TAOK3: variants seen among roughly 807,000 people sequenced by gnomAD.
The protein encoded by TAOK3 is TAO kinase 3.
TAOK3 carries 40 observed loss-of-function variants against 120.4 expected under a neutral mutation model. The ratio of observed to expected loss-of-function variants is 0.33; its 90% CI spans 0.26 to 0.43. TAOK3 has a LOEUF of 0.43. Among genes scored for constraint, TAOK3 ranks in the 20% least tolerant of loss-of-function variants. TAOK3 has a pLI of 1.00. For missense variants in TAOK3, 821 were observed against 1,112.1 expected, an observed-to-expected ratio of 0.74 and a Z score of 3.72; for synonymous variants, 355 against 387.5, an observed-to-expected ratio of 0.92 and a Z score of 0.99.
chr12:118,203,988 G>A (rs751774215), intron 11 of TAOK3, among the ~76,000 whole-genome samples: 1 of 152,138 alleles, frequency 6.6e-6, no homozygotes, highest in Non-Finnish European at 1.5e-5. Context: ...ACATTAGGCT[G>A]GGCGTGGTGG....
intron 9 of TAOK3, among the ~76,000 whole-genome samples, chr12:118,215,977 A>G (rs2038883273): frequency 6.6e-6 from 1 of 151,960 alleles, no homozygotes; most frequent in African/African-American, 2.4e-5. Context: ...AGGCCGGCAG[A>G]TCACCTGAGG....
intron 11 of TAOK3, among the ~76,000 whole-genome samples, chr12:118,202,858 C>T (rs1211201869): frequency 6.8e-5 from 10 of 146,100 alleles, no homozygotes. Flanking sequence ...TGGCTCACTG[C>T]AACCTCCACC....
intron 1 of TAOK3, chr12:118,295,410 G>A (rs1286347217): frequency 1.3e-5 from 2 of 152,120 alleles, no homozygotes; most frequent in Non-Finnish European, 2.9e-5. Context: ...TTGAAAATGT[G>A]TTTTAGAGAG....
At chr12:118,268,440 G>A (rs2041553023) in intron 1 of TAOK3, among the ~76,000 whole-genome samples, 1 of 152,164 alleles carries the variant, frequency 6.6e-6, no homozygotes, top group Admixed American at 6.5e-5. Flanking sequence ...TTTTCTTGCT[G>A]AGAATATCCC....
chr12:118,361,119 T>A (rs1413524597), intron 1 of TAOK3, among the ~76,000 whole-genome samples: 1 of 152,362 alleles, frequency 6.6e-6, no homozygotes, highest in African/African-American at 2.4e-5. Context: ...AATATCAGCA[T>A]CGAAGCAAAA....
At chr12:118,193,452 A>G (rs931392096) in intron 13 of TAOK3, among the ~76,000 whole-genome samples, 2 of 152,218 alleles carry the variant, frequency 1.3e-5, no homozygotes, top group Non-Finnish European at 2.9e-5. Context: ...ATTTCTATAC[A>G]AGAGTGAAAC....
intron 9 of TAOK3, among the ~76,000 whole-genome samples, chr12:118,225,669 T>C (rs1366750919): frequency 2.0e-5 from 3 of 152,190 alleles, no homozygotes; most frequent in Non-Finnish European, 4.4e-5. Context: ...GATTTTATAA[T>C]ATGTATAACA....
At chr12:118,156,382 CCCTTTCCAGTAGT>C (rs2034827296) in intron 19 of TAOK3, among the ~76,000 whole-genome samples, 4 of 152,136 alleles carry the variant, frequency 2.6e-5, no homozygotes, top group Non-Finnish European at 1.5e-5. Flanking sequence ...TCTGACTATT[CCCTTTCCAGTAGT>C]CCTTACCTAC....
intron 19 of TAOK3, among the ~76,000 whole-genome samples, chr12:118,153,770 A>G (rs548309741): frequency 1.3e-5 from 2 of 152,312 alleles, no homozygotes; most frequent in Admixed American, 6.5e-5. Context: ...CTTATGTACA[A>G]TTTGTGACAA....
intron 3 of TAOK3, among the ~76,000 whole-genome samples, chr12:118,249,626 C>G (rs2040663473): frequency 6.7e-6 from 1 of 148,968 alleles, no homozygotes; most frequent in Admixed American, 6.7e-5. Flanking sequence ...AGTTTGGAAC[C>G]AGCCTGGGCA....
intron 3 of TAOK3, among the ~76,000 whole-genome samples, chr12:118,249,129 C>G (rs1031579676): frequency 4.6e-5 from 7 of 152,138 alleles, no homozygotes; most frequent in Non-Finnish European, 1.0e-4. Flanking sequence ...CCAATAGTCT[C>G]AATGGTCTCA....
intron 1 of TAOK3, among the ~76,000 whole-genome samples, chr12:118,290,815 G>A (rs981969638): frequency 3.3e-5 from 5 of 151,696 alleles, no homozygotes; most frequent in African/African-American, 9.7e-5. Context: ...TACTTAACAC[G>A]GTGGCTGATA....
intron 9 of TAOK3, among the ~76,000 whole-genome samples, chr12:118,228,102 T>A (rs1372619156): frequency 6.6e-6 from 1 of 152,020 alleles, no homozygotes; most frequent in African/African-American, 2.4e-5. Context: ...TTTACTGTTC[T>A]AGAATTATAT....
intron 1 of TAOK3, among the ~76,000 whole-genome samples, chr12:118,341,609 T>C (rs1055041404): frequency 6.6e-6 from 1 of 152,194 alleles, no homozygotes; most frequent in African/African-American, 2.4e-5. Flanking sequence ...AGTTAAGTAC[T>C]TAGGAGAAAA....
chr12:118,322,253 T>G (rs910216362), intron 1 of TAOK3, among the ~76,000 whole-genome samples: 2 of 143,018 alleles, frequency 1.4e-5, no homozygotes, highest in East Asian at 4.0e-4. Context: ...AGGCAGAGGT[T>G]GCAATGAGCT....
intron 1 of TAOK3, among the ~76,000 whole-genome samples, chr12:118,300,206 G>A (rs1034181861): frequency 6.6e-6 from 1 of 152,156 alleles, no homozygotes; most frequent in African/African-American, 2.4e-5. Flanking sequence ...ATGTACTCAC[G>A]TGTTCATCTG....
chr12:118,248,339 T>G (rs1345994086), intron 3 of TAOK3, among the ~76,000 whole-genome samples: 2 of 152,086 alleles, frequency 1.3e-5, no homozygotes, highest in Non-Finnish European at 2.9e-5. Flanking sequence ...CAAAAGCATA[T>G]TTTAGATATT....
chr12:118,292,358 C>T (rs2042516727), intron 1 of TAOK3, among the ~76,000 whole-genome samples: 1 of 152,210 alleles, frequency 6.6e-6, no homozygotes, highest in East Asian at 1.9e-4. Flanking sequence ...AATCCATAAG[C>T]CTTTATCTTA....
intron 1 of TAOK3, among the ~76,000 whole-genome samples, chr12:118,364,139 A>C (rs1186349573): frequency 3.3e-5 from 5 of 152,158 alleles, no homozygotes; most frequent in Non-Finnish European, 7.4e-5. Context: ...TCCATCTCAA[A>C]AAACAAACAA....
Sources: gnomAD v4.1 joint callset for allele counts (sites outside exome capture counted in the v4.1 genomes callset) on GRCh38, gnomAD v4.1.1 for gene constraint, MANE v1.5 for transcripts, NCBI Gene and HGNC (gene_info 2026-07-23, HGNC 2026-07-21) for gene names.